The following RGS17 variants were observed in gnomAD, a reference collection of about 807,000 sequenced individuals.
RGS17 encodes regulator of G-protein signaling 17.
RGS17 carries 12 observed loss-of-function variants against 25.5 expected under a neutral mutation model. The ratio of observed to expected loss-of-function variants is 0.47; its 90% CI spans 0.30 to 0.76. The LOEUF (loss-of-function observed/expected upper bound fraction) is 0.76. Among genes scored for constraint, RGS17 ranks in the 30% least tolerant of loss-of-function variants. RGS17 has a pLI of 0.07. For synonymous variants in RGS17, 71 were observed against 76.9 expected, an observed-to-expected ratio of 0.92 and a Z score of 0.40; for missense variants, 196 against 242.2, an observed-to-expected ratio of 0.81 and a Z score of 1.27.
chr6:153,127,458 T>C (rs1414651059), intron 1 of RGS17, among the ~76,000 whole-genome samples: 1 of 152,208 alleles, frequency 6.6e-6, no homozygotes, highest in African/African-American at 2.4e-5. Context: ...TACATTGCAT[T>C]GTATTTATGC....
At chr6:153,024,906 C>T (rs1266506601) in intron 3 of RGS17, among the ~76,000 whole-genome samples, 2 of 152,100 alleles carry the variant, frequency 1.3e-5, no homozygotes, top group Non-Finnish European at 2.9e-5. Flanking sequence ...AATTTTCCAG[C>T]CATAAGATAC....
chr6:153,022,207 CA>C (rs1238334067), intron 4 of RGS17, among the ~76,000 whole-genome samples: 3 of 151,490 alleles, frequency 2.0e-5, no homozygotes, highest in African/African-American at 4.9e-5. Flanking sequence ...GACTCCGTCT[CA>C]AAAAAAATTA....
At chr6:153,056,263 G>A (rs1360063534) in intron 1 of RGS17, among the ~76,000 whole-genome samples, 8 of 152,254 alleles carry the variant, frequency 5.3e-5, no homozygotes, top group East Asian at 3.9e-4. Context: ...ACTCATGAGC[G>A]TCTCATAAGA....
At chr6:153,049,867 T>C (rs9479487) in intron 1 of RGS17, among the ~76,000 whole-genome samples, 58,564 of 152,028 alleles carry the variant, frequency 0.39, 11,977 homozygotes, top group East Asian at 0.62. Context: ...ACTGAAGACA[T>C]GTCTGAAAAT....
chr6:153,031,664 T>C (rs1779364805), intron 2 of RGS17, among the ~76,000 whole-genome samples: 1 of 152,246 alleles, frequency 6.6e-6, no homozygotes, highest in Non-Finnish European at 1.5e-5. Context: ...CATTTCTCTT[T>C]ACATAGAAGA....
chr6:153,078,189 G>A (rs907859629), intron 1 of RGS17, among the ~76,000 whole-genome samples: 20 of 152,050 alleles, frequency 1.3e-4, no homozygotes, highest in Non-Finnish European at 2.1e-4. Context: ...ATCTTTATAG[G>A]AAATTTATCA....
At chr6:153,015,996 G>T (rs6899801) in intron 4 of RGS17, among the ~76,000 whole-genome samples, 1 of 152,112 alleles carries the variant, frequency 6.6e-6, no homozygotes, top group Non-Finnish European at 1.5e-5. Context: ...ATATTTGTGC[G>T]ACTTGTTTTG....
At position 153,024,451 on chromosome 6, in the gene RGS17, A is replaced by G; in HGVS notation, c.255T>C (p.Phe85=). The part of the protein sequence containing the change: ...AEEVLSWSQN[F]DKMMKAPAGR... Reference sequence around the variant, plus strand: ...CTGCTGGGGCCTTCATCATCTTGTCAAAATTTTGAGACCAGGACAAGACTT... The same window carrying G: ...CTGCTGGGGCCTTCATCATCTTGTCGAAATTTTGAGACCAGGACAAGACTT... The change falls in exon 4 of 5, where the codon TTT becomes TTC. Residue 85 remains phenylalanine (F), a synonymous_variant. Coordinates refer to ENST00000206262, the MANE Select transcript of RGS17 (RefSeq NM_012419.5). 1 of 1,614,178 alleles carries G rather than the reference A, an allele frequency of 6.2e-7. No individual in the cohort carries two copies. The highest frequency in any genetic ancestry group is 8.5e-7 in the Non-Finnish European group (1 of 1,180,012).
At chr6:153,027,854 A>G (rs1584123720) in intron 2 of RGS17, among the ~76,000 whole-genome samples, 1 of 152,206 alleles carries the variant, frequency 6.6e-6, no homozygotes, top group East Asian at 1.9e-4. Context: ...GTCACTAAAC[A>G]TCGTTGGTAT....
chr6:153,096,635 A>AT (rs1451341454), intron 1 of RGS17, among the ~76,000 whole-genome samples: 2 of 152,236 alleles, frequency 1.3e-5, no homozygotes, highest in African/African-American at 2.4e-5. Flanking sequence ...TCGTTGCCAC[A>AT]TAAGTAAAAA....
At chr6:153,014,159 A>C (rs1779159984) in intron 4 of RGS17, among the ~76,000 whole-genome samples, 1 of 152,208 alleles carries the variant, frequency 6.6e-6, no homozygotes, top group African/African-American at 2.4e-5. Context: ...CTTTAAACAG[A>C]TACGAATGCT....
intron 1 of RGS17, among the ~76,000 whole-genome samples, chr6:153,120,780 C>T (rs12195298): frequency 0.09 from 13,689 of 152,188 alleles, 834 homozygotes; most frequent in East Asian, 0.18. Flanking sequence ...ATATTGTGCA[C>T]AAAATGGTTT....
At chr6:153,045,379 A>G (rs555536212) in intron 1 of RGS17, among the ~76,000 whole-genome samples, 5 of 152,308 alleles carry the variant, frequency 3.3e-5, no homozygotes, top group African/African-American at 1.2e-4. Flanking sequence ...CTGAAAAAAT[A>G]ATTTCTACTA....
At chr6:153,065,651 T>C (rs907710645) in intron 1 of RGS17, among the ~76,000 whole-genome samples, 20 of 152,136 alleles carry the variant, frequency 1.3e-4, no homozygotes, top group African/African-American at 4.8e-4. Context: ...TGAAAATATA[T>C]GGAAATCAAA....
At chr6:153,124,913 A>G (rs1216171694) in intron 1 of RGS17, among the ~76,000 whole-genome samples, 1 of 152,200 alleles carries the variant, frequency 6.6e-6, no homozygotes, top group Non-Finnish European at 1.5e-5. Flanking sequence ...GACTCATAAA[A>G]TCTGTAGATT....
chr6:153,026,221 A>G (rs1186239622), intron 3 of RGS17, among the ~76,000 whole-genome samples: 1 of 152,170 alleles, frequency 6.6e-6, no homozygotes, highest in East Asian at 1.9e-4. Context: ...TATTTTTTTT[A>G]AAGAGAAAAG....
chr6:153,056,094 T>TTTAC (rs1346414062), intron 1 of RGS17, among the ~76,000 whole-genome samples: 1 of 151,534 alleles, frequency 6.6e-6, no homozygotes, highest in Non-Finnish European at 1.5e-5. Context: ...AAATAGTCAA[T>TTTAC]GGCAATTTAG....
At chr6:153,012,571 G>C (rs993022347) in intron 4 of RGS17, among the ~76,000 whole-genome samples, 74 of 152,108 alleles carry the variant, frequency 4.9e-4, no homozygotes, top group African/African-American at 1.5e-3. Context: ...AAGGGAAATG[G>C]GGAAAAATAC....
intron 1 of RGS17, among the ~76,000 whole-genome samples, chr6:153,070,011 A>C (rs1284469774): frequency 6.6e-6 from 1 of 152,106 alleles, no homozygotes; most frequent in Non-Finnish European, 1.5e-5. Flanking sequence ...GGAAGTATAC[A>C]AGTGATAGAA....
Sources: allele counts gnomAD v4.1 joint callset (sites outside exome capture counted in the v4.1 genomes callset), GRCh38; gene constraint gnomAD v4.1.1; transcripts MANE v1.5; gene names NCBI Gene and HGNC (gene_info 2026-07-23, HGNC 2026-07-21).